UFD1: variants seen among roughly 807,000 people sequenced by gnomAD.
The protein encoded by UFD1 is ubiquitin recognition factor in ER-associated degradation protein 1.
In UFD1, 13 loss-of-function variants were observed where a neutral mutation model predicts 45.9. The ratio of observed to expected loss-of-function variants is 0.28; its 90% CI spans 0.18 to 0.45. UFD1 has a LOEUF of 0.45. Among genes scored for constraint, UFD1 ranks in the 20% least tolerant of loss-of-function variants. UFD1 has a pLI of 1.00. For synonymous variants in UFD1, 128 were observed against 139.2 expected (o/e 0.92, Z 0.56); for missense variants, 218 against 389.2 (o/e 0.56, Z 3.70).
chr22:19,472,248 G>A (rs1185109384), intron 3 of UFD1, among the ~76,000 whole-genome samples: 4 of 152,220 alleles, frequency 2.6e-5, no homozygotes, highest in Non-Finnish European at 5.9e-5. Flanking sequence ...TTTAGGCTGG[G>A]CACTGGGCGG....
chr22:19,456,847 A>T lies in UFD1; in HGVS notation c.630+6T>A. 2 of 1,614,004 alleles carry T rather than the reference A, an allele frequency of 1.2e-6. No homozygotes were observed. Among genetic ancestry groups the T allele is most frequent in the Non-Finnish European group, 1.7e-6 (2 of 1,179,950 alleles). ...GACAGCAAAGGACACTGAGGATAAC[A>T]CTTACTGTCGACTCCTCATGCTGGA... On this transcript the variant is annotated splice_donor_region_variant and intron_variant, in intron 8 of 11. Transcript: ENST00000263202.
chr22:19,466,765 G>C (rs1361523032), intron 5 of UFD1: 1 of 152,354 alleles, frequency 6.6e-6, no homozygotes, highest in East Asian at 1.9e-4. Flanking sequence ...GGGAGGCAGA[G>C]TTTGCAGTGA....
chr22:19,456,499 C>A, intron 9 of UFD1, 88 bp downstream of exon 9: 1 of 1,556,708 alleles, frequency 6.4e-7, no homozygotes, highest in Non-Finnish European at 8.9e-7. Context: ...TGATGTCCAT[C>A]GAGCATCATG....
At position 19,475,559 on chromosome 22, in the gene UFD1, T is replaced by C; in HGVS notation, c.47A>G (p.Gln16Arg). The C allele has an allele frequency of 1.2e-6, 2 of 1,614,216 alleles. No individual in the cohort carries two copies. The highest frequency in any genetic ancestry group is 1.7e-6 in the Non-Finnish European group (2 of 1,180,042). ...MFDHPIPRVF[Q>R]NRFSTQYRCF... The stretch of plus-strand genomic sequence containing the variant: ...GCGGTACTGTGTGGAGAAGCGGTTT[T>C]GGAAGACCCTGGGAATAGGGTGGTC... The change falls in exon 2 of 12, where the codon CAA becomes CGA. Residue 16 changes from glutamine (Q) to arginine (R), a missense_variant. Physicochemically the swap from Gln to Arg is conservative, Grantham distance 43. This residue lies in a region of UFD1 where 149 missense variants were observed against 307.5 expected (regional missense o/e 0.48). Coordinates refer to ENST00000263202, the MANE Select transcript of UFD1 (RefSeq NM_005659.7).
At position 19,456,578 on chromosome 22, in the gene UFD1, G is replaced by A. The variant is rs1162334083; in HGVS notation, c.678+9C>T. 1 of 1,614,140 alleles carries A rather than the reference G, an allele frequency of 6.2e-7. No homozygotes were observed. Among genetic ancestry groups the A allele is most frequent in the African/African-American group, 1.3e-5 (1 of 75,036 alleles). On this transcript the variant is annotated intron_variant, in intron 9 of 11. Coordinates refer to ENST00000263202, the MANE Select transcript of UFD1 (RefSeq NM_005659.7). Reference sequence around the variant, plus strand: ...CACAGCAATATAAGTCAAGTGGTCTGGTACTCACGCGGAAGCCCAGCTCTC... The same window carrying A: ...CACAGCAATATAAGTCAAGTGGTCTAGTACTCACGCGGAAGCCCAGCTCTC...
intron 11 of UFD1, chr22:19,454,383 G>C: frequency 1.0e-6 from 1 of 958,874 alleles, no homozygotes; most frequent in Non-Finnish European, 1.3e-6. Context: ...AACTGAGTCG[G>C]TGGGAGGTAA....
At chr22:19,471,242 C>A (rs778379316) in intron 4 of UFD1, 1 of 515,688 alleles carries the variant, frequency 1.9e-6, no homozygotes, top group Non-Finnish European at 3.9e-6. Context: ...AGACGTCACT[C>A]CCATGGCAGC....
At chr22:19,461,075 C>G (rs1273890958) in intron 6 of UFD1, among the ~76,000 whole-genome samples, 6 of 152,170 alleles carry the variant, frequency 3.9e-5, no homozygotes, top group Non-Finnish European at 1.5e-5. Context: ...TTCTGTCTCC[C>G]ATGAGTTTGA....
chr22:19,452,524 AGAT>A (rs1254739117), intron 11 of UFD1: 6 of 152,162 alleles, frequency 3.9e-5, no homozygotes, highest in Non-Finnish European at 8.8e-5. Context: ...TGTCCTGCTA[AGAT>A]GATGTCCCTT....
At chr22:19,471,032 A>C (rs2089841263) in intron 4 of UFD1, among the ~76,000 whole-genome samples, 1 of 152,212 alleles carries the variant, frequency 6.6e-6, no homozygotes, top group Non-Finnish European at 1.5e-5. Flanking sequence ...GAAGGAGCCA[A>C]GTGGGCCACA....
chr22:19,455,594 C>A, intron 10 of UFD1, 86 bp downstream of exon 10: 4 of 1,305,716 alleles, frequency 3.1e-6, no homozygotes, highest in Non-Finnish European at 3.3e-6. Flanking sequence ...CAGGCTTTGT[C>A]TCCAGAACTG....
intron 11 of UFD1, chr22:19,451,259 C>CTT (rs1471874190): frequency 1.0e-6 from 1 of 985,588 alleles, no homozygotes; most frequent in Non-Finnish European, 1.2e-6. Context: ...CTAGTATACT[C>CTT]CCAAGGCTAC....
intron 4 of UFD1, among the ~76,000 whole-genome samples, chr22:19,468,206 C>T (rs530197739): frequency 7.9e-5 from 12 of 152,330 alleles, no homozygotes; most frequent in African/African-American, 2.9e-4. Flanking sequence ...AGGGGTGCTA[C>T]TGAAGCTGTA....
chr22:19,474,390 C>A (rs565828531), intron 3 of UFD1, among the ~76,000 whole-genome samples: 1 of 152,040 alleles, frequency 6.6e-6, no homozygotes, highest in South Asian at 2.1e-4. Flanking sequence ...ACTAAAAATA[C>A]AAAAAATTAG....
At chr22:19,451,848 T>C in intron 11 of UFD1, 12 of 985,470 alleles carry the variant, frequency 1.2e-5, no homozygotes, top group Non-Finnish European at 1.4e-5. Context: ...TTGACAAACC[T>C]GTGTCTCCTG....
At chr22:19,461,874 A>G (rs1288160046) in intron 6 of UFD1, among the ~76,000 whole-genome samples, 2 of 152,086 alleles carry the variant, frequency 1.3e-5, no homozygotes, top group Non-Finnish European at 2.9e-5. Flanking sequence ...TAATTTATCA[A>G]TGTCAAATAA....
At chr22:19,469,954 G>T (rs767576992) in intron 4 of UFD1, 1 of 518,496 alleles carries the variant, frequency 1.9e-6, no homozygotes, top group Admixed American at 1.9e-5. Flanking sequence ...GAGAACCTTC[G>T]AGATACAGTG....
intron 6 of UFD1, among the ~76,000 whole-genome samples, chr22:19,461,583 C>G (rs2146294827): frequency 6.6e-6 from 1 of 152,298 alleles, no homozygotes; most frequent in South Asian, 2.1e-4. Context: ...TGACAATGAT[C>G]TGTAGTTTAC....
At chr22:19,470,783 G>C (rs568971202) in intron 4 of UFD1, 5 of 468,196 alleles carry the variant, frequency 1.1e-5, no homozygotes, top group South Asian at 7.6e-5. Context: ...TATTAGTTAA[G>C]GCCATCCCTT....
Sources: gnomAD v4.1 joint callset for allele counts (sites outside exome capture counted in the v4.1 genomes callset) on GRCh38, gnomAD v4.1.1 for gene constraint, gnomAD v4.1.1 regional missense constraint, MANE v1.5 for transcripts, NCBI Gene and HGNC (gene_info 2026-07-23, HGNC 2026-07-21) for gene names.